The following HS6ST2 variants were observed in gnomAD, a reference collection of about 807,000 sequenced individuals.
The protein encoded by HS6ST2 is heparan-sulfate 6-O-sulfotransferase 2.
Under a neutral mutation model 33.0 loss-of-function variants are expected in HS6ST2, and 17 were observed. That is an observed-to-expected ratio of 0.52 (90% confidence interval 0.35 to 0.77). The LOEUF is 0.77. Among genes scored for constraint, HS6ST2 ranks in the 30% least tolerant of loss-of-function variants. The pLI is 0.01. For synonymous variants in HS6ST2, 248 were observed against 237.1 expected, an observed-to-expected ratio of 1.05 and a Z score of -0.42; for missense variants, 519 against 551.7, an observed-to-expected ratio of 0.94 and a Z score of 0.59.
chrX:132,847,917 A>G (rs1233520453), intron 2 of HS6ST2, among the ~76,000 whole-genome samples: 1 of 112,422 alleles, frequency 8.9e-6, no homozygotes, highest in African/African-American at 3.2e-5. Flanking sequence ...CATGACAGCA[A>G]TGGGAAAAAG....
At chrX:132,922,425 A>G (rs182437716) in intron 2 of HS6ST2, among the ~76,000 whole-genome samples, 1 of 112,175 alleles carries the variant, frequency 8.9e-6, no homozygotes, top group African/African-American at 3.2e-5. Context: ...ACCTCTTCAA[A>G]TGCAACTCAT....
At chrX:132,871,656 A>G (rs1440757298) in intron 2 of HS6ST2, among the ~76,000 whole-genome samples, 1 of 110,860 alleles carries the variant, frequency 9.0e-6, no homozygotes, top group Non-Finnish European at 1.9e-5. Flanking sequence ...GGAAACCATC[A>G]TTCTCAGCGA....
intron 2 of HS6ST2, among the ~76,000 whole-genome samples, chrX:132,866,336 A>G (rs1439566151): frequency 9.6e-6 from 1 of 104,234 alleles, no homozygotes; most frequent in African/African-American, 3.5e-5. Context: ...CCATTGATCT[A>G]TATCTCTGTT....
chrX:132,787,332 G>A (rs1240972320), intron 2 of HS6ST2, among the ~76,000 whole-genome samples: 7 of 91,649 alleles, frequency 7.6e-5, no homozygotes, highest in African/African-American at 1.2e-4. Context: ...TTGCTCTGTC[G>A]CCCAGGCTGG....
rs948694593 is a variant in HS6ST2 at position 132,684,072 on chromosome X, A to T, written c.981-14873T>A. On this transcript the variant is annotated intron_variant, in intron 3 of 4. Coordinates refer to ENST00000370833, the MANE Select transcript of HS6ST2 (RefSeq NM_001394073.1). ...ACGAAGGCAATAAACATTAAAAGAA[A>T]CACGCTGGATAATAGCATTCTCAAC... 3.7e-5 allele frequency among the ~76,000 whole-genome samples: 4 copies of T among 109,510 alleles called. No homozygotes were observed. The South Asian group carries it at 1.2e-3, about 33-fold the overall frequency.
At chrX:132,705,725 A>G (rs1169646129) in intron 3 of HS6ST2, among the ~76,000 whole-genome samples, 2 of 111,993 alleles carry the variant, frequency 1.8e-5, no homozygotes, top group African/African-American at 6.5e-5. Flanking sequence ...ACACAGCTGG[A>G]AAGTAGCAGC....
rs868071751 is a variant in HS6ST2 at position 132,791,714 on chromosome X, G to A, written c.948-83220C>T. 1.2e-4 allele frequency among the ~76,000 whole-genome samples: 13 copies of A among 110,470 alleles called. No individual in the cohort carries two copies. In the South Asian group the frequency reaches 3.5e-3, roughly 30 times the overall value. On this transcript the variant is annotated intron_variant, in intron 2 of 4. Coordinates refer to ENST00000370833, the MANE Select transcript of HS6ST2 (RefSeq NM_001394073.1). The stretch of plus-strand genomic sequence containing the variant: ...GCAAAAAGAAGATTTAACCAATGAA[G>A]TGTACAGCTCAATGTTTTGGGTTTG...
At chrX:132,642,007 G>A (rs775183027) in intron 4 of HS6ST2, among the ~76,000 whole-genome samples, 4 of 111,991 alleles carry the variant, frequency 3.6e-5, no homozygotes, top group Admixed American at 9.4e-5. Context: ...CGTATTCTAC[G>A]GATCCCGAAC....
chrX:132,708,025 GGAAATGCTGACCTACTT>G (rs1301733132), intron 3 of HS6ST2, among the ~76,000 whole-genome samples: 1 of 111,314 alleles, frequency 9.0e-6, no homozygotes, highest in Non-Finnish European at 1.9e-5. Flanking sequence ...TTCCCTTCAA[GGAAATGCTGACCTACTT>G]GTTCTCTAAA....
chrX:132,953,834 A>G (rs2067040599), intron 2 of HS6ST2, among the ~76,000 whole-genome samples: 1 of 112,586 alleles, frequency 8.9e-6, no homozygotes, highest in Non-Finnish European at 1.9e-5. Context: ...ATAATGATGT[A>G]GGTGATAACA....
intron 2 of HS6ST2, among the ~76,000 whole-genome samples, chrX:132,906,684 T>G (rs1428536519): frequency 9.0e-6 from 1 of 110,776 alleles, no homozygotes; most frequent in Non-Finnish European, 1.9e-5. Flanking sequence ...AAGTGATTTT[T>G]TTTTCTTTTT....
intron 2 of HS6ST2, among the ~76,000 whole-genome samples, chrX:132,786,174 T>C (rs1474389515): frequency 6.3e-5 from 7 of 111,902 alleles, no homozygotes; most frequent in Non-Finnish European, 1.9e-5. Context: ...AAATTTTAGT[T>C]ATCAGTACTT....
intron 2 of HS6ST2, among the ~76,000 whole-genome samples, chrX:132,850,271 T>G (rs2065790279): frequency 8.9e-6 from 1 of 112,218 alleles, no homozygotes; most frequent in South Asian, 3.7e-4. Flanking sequence ...AATGACGTGC[T>G]CTGGTGAGCC....
At chrX:132,645,038 C>A (rs777457369) in intron 4 of HS6ST2, among the ~76,000 whole-genome samples, 8 of 111,797 alleles carry the variant, frequency 7.2e-5, no homozygotes, top group Admixed American at 5.7e-4. Context: ...CTCGGCCCTC[C>A]AAGCTTCTCC....
intron 2 of HS6ST2, among the ~76,000 whole-genome samples, chrX:132,940,889 C>T (rs1005140991): frequency 1.3e-4 from 15 of 111,630 alleles, no homozygotes; most frequent in African/African-American, 3.3e-4. Flanking sequence ...ATTTTGTGGT[C>T]GCAGGTTTGT....
intron 2 of HS6ST2, among the ~76,000 whole-genome samples, chrX:132,806,059 C>T (rs985162446): frequency 1.8e-5 from 2 of 109,981 alleles, no homozygotes; most frequent in African/African-American, 6.5e-5. Context: ...GTGGTATTTG[C>T]TCAGATGAGA....
chrX:132,917,592 C>CAA (rs371446172), intron 2 of HS6ST2, among the ~76,000 whole-genome samples: 1 of 83,967 alleles, frequency 1.2e-5, no homozygotes, highest in Non-Finnish European at 2.4e-5. Flanking sequence ...GACTCCCTCT[C>CAA]AAAAAAAAAA....
intron 2 of HS6ST2, among the ~76,000 whole-genome samples, chrX:132,933,484 G>A (rs974120152): frequency 9.1e-6 from 1 of 110,271 alleles, no homozygotes; most frequent in Admixed American, 9.8e-5. Flanking sequence ...AGAAATATGG[G>A]ACACCAAAAA....
At chrX:132,792,566 T>G (rs1180842432) in intron 2 of HS6ST2, among the ~76,000 whole-genome samples, 1 of 112,223 alleles carries the variant, frequency 8.9e-6, no homozygotes, top group African/African-American at 3.2e-5. Flanking sequence ...TTTTAGTATA[T>G]TATCAGTCAT....
Sources: allele counts gnomAD v4.1 joint callset (sites outside exome capture counted in the v4.1 genomes callset), GRCh38; gene constraint gnomAD v4.1.1; transcripts MANE v1.5; gene names NCBI Gene and HGNC (gene_info 2026-07-23, HGNC 2026-07-21).